PPP1R9A: variants seen among roughly 807,000 people sequenced by gnomAD.
PPP1R9A encodes the protein neurabin-1.
A neutral mutation model predicts 141.9 loss-of-function variants in PPP1R9A; 59 were observed. The ratio of observed to expected loss-of-function variants is 0.42; its 90% CI spans 0.34 to 0.52. The LOEUF is 0.52. Among genes scored for constraint, PPP1R9A ranks in the 20% least tolerant of loss-of-function variants. The pLI is 0.10. For missense variants in PPP1R9A, 1,444 were observed against 1,611.9 expected (o/e 0.90, Z 1.78); for synonymous variants, 500 against 569.7 (o/e 0.88, Z 1.74).
intron 4 of PPP1R9A, among the ~76,000 whole-genome samples, chr7:95,135,137 G>A (rs1008253672): frequency 6.6e-6 from 1 of 151,982 alleles, no homozygotes; most frequent in African/African-American, 2.4e-5. Flanking sequence ...TCACACTCCT[G>A]TGTCTCTAAT....
intron 2 of PPP1R9A, among the ~76,000 whole-genome samples, chr7:94,979,181 G>A (rs747357827): frequency 2.0e-5 from 3 of 152,192 alleles, no homozygotes; most frequent in Non-Finnish European, 4.4e-5. Flanking sequence ...GGGAGAGACA[G>A]TTGGTTTACT....
At chr7:95,056,862 T>C (rs1039017886) in intron 2 of PPP1R9A, among the ~76,000 whole-genome samples, 8 of 152,156 alleles carry the variant, frequency 5.3e-5, no homozygotes, top group Non-Finnish European at 8.8e-5. Context: ...TGAATATTTA[T>C]GTTTGGACAT....
At chr7:94,960,153 TTC>T (rs1797464580) in intron 2 of PPP1R9A, among the ~76,000 whole-genome samples, 1 of 151,092 alleles carries the variant, frequency 6.6e-6, no homozygotes. Flanking sequence ...CTATATGGAC[TTC>T]TTTCTCTCTC....
chr7:95,140,377 T>C (rs544682405), intron 4 of PPP1R9A, among the ~76,000 whole-genome samples: 7 of 152,328 alleles, frequency 4.6e-5, no homozygotes, highest in Non-Finnish European at 4.4e-5. Flanking sequence ...TAATTTTCAA[T>C]CAATTATAAT....
chr7:94,961,826 A>G (rs1383400381), intron 2 of PPP1R9A, among the ~76,000 whole-genome samples: 4 of 151,954 alleles, frequency 2.6e-5, no homozygotes, highest in African/African-American at 9.7e-5. Flanking sequence ...TGGTACAGCC[A>G]ATGTATTTGA....
chr7:95,046,008 TTAGG>T (rs1285002635), intron 2 of PPP1R9A, among the ~76,000 whole-genome samples: 1 of 152,102 alleles, frequency 6.6e-6, no homozygotes, highest in Non-Finnish European at 1.5e-5. Context: ...ATCATTAAGA[TTAGG>T]TAGTATTTCT....
chr7:95,149,361 G>T (rs1430949218), intron 4 of PPP1R9A, among the ~76,000 whole-genome samples: 1 of 152,118 alleles, frequency 6.6e-6, no homozygotes, highest in African/African-American at 2.4e-5. Context: ...CTTTCTTACA[G>T]TTATTTTCTA....
At chr7:95,169,490 T>C (rs1831786101) in intron 5 of PPP1R9A, among the ~76,000 whole-genome samples, 1 of 151,798 alleles carries the variant, frequency 6.6e-6, no homozygotes, top group Admixed American at 6.6e-5. Context: ...AGAAAGTTAA[T>C]AACAATGTAT....
intron 4 of PPP1R9A, among the ~76,000 whole-genome samples, chr7:95,123,504 C>T (rs1822997194): frequency 6.6e-6 from 1 of 152,150 alleles, no homozygotes; most frequent in African/African-American, 2.4e-5. Flanking sequence ...CAAAAATTAG[C>T]TGGGCGTGGT....
intron 16 of PPP1R9A, among the ~76,000 whole-genome samples, chr7:95,282,777 A>C (rs1364073609): frequency 6.6e-6 from 1 of 152,150 alleles, no homozygotes; most frequent in Non-Finnish European, 1.5e-5. Flanking sequence ...CATTCTCTTC[A>C]GTTATCAGCC....
At chr7:95,287,495 C>G (rs1172373399) in intron 18 of PPP1R9A, among the ~76,000 whole-genome samples, 1 of 152,068 alleles carries the variant, frequency 6.6e-6, no homozygotes, top group Non-Finnish European at 1.5e-5. Flanking sequence ...CCTTCAAGAC[C>G]TATCATCACC....
chr7:95,080,445 C>G (rs1436803046), intron 2 of PPP1R9A, among the ~76,000 whole-genome samples: 3 of 152,182 alleles, frequency 2.0e-5, no homozygotes, highest in South Asian at 2.1e-4. Context: ...AAAGAGGATA[C>G]AAAGAAATGG....
At chr7:94,934,654 G>A (rs773886696) in intron 2 of PPP1R9A, among the ~76,000 whole-genome samples, 13 of 151,662 alleles carry the variant, frequency 8.6e-5, no homozygotes, top group Non-Finnish European at 1.9e-4. Flanking sequence ...TGGTGCTTTT[G>A]TTATCGATGT....
intron 12 of PPP1R9A, among the ~76,000 whole-genome samples, chr7:95,252,970 A>G (rs1474932799): frequency 6.6e-6 from 1 of 152,216 alleles, no homozygotes; most frequent in African/African-American, 2.4e-5. Flanking sequence ...ATTTGGTATT[A>G]TAAATGATTA....
intron 2 of PPP1R9A, among the ~76,000 whole-genome samples, chr7:94,943,743 A>G (rs1795585356): frequency 6.6e-6 from 1 of 152,214 alleles, no homozygotes; most frequent in Non-Finnish European, 1.5e-5. Context: ...GTCTTTGTTC[A>G]TAATGATATT....
intron 2 of PPP1R9A, among the ~76,000 whole-genome samples, chr7:95,080,554 A>G (rs1041907021): frequency 6.6e-6 from 1 of 152,140 alleles, no homozygotes; most frequent in Non-Finnish European, 1.5e-5. Flanking sequence ...CCATCAAACT[A>G]CCAATGACTT....
chr7:95,210,627 C>G (rs746656745), intron 7 of PPP1R9A, among the ~76,000 whole-genome samples: 1 of 152,022 alleles, frequency 6.6e-6, no homozygotes, highest in Non-Finnish European at 1.5e-5. Context: ...CACCATTTGA[C>G]CCAGCAATCC....
intron 7 of PPP1R9A, among the ~76,000 whole-genome samples, chr7:95,219,127 T>C (rs1794002843): frequency 6.6e-6 from 1 of 152,338 alleles, no homozygotes; most frequent in Non-Finnish European, 1.5e-5. Flanking sequence ...TTTCCATGTT[T>C]AATGCTTCCT....
At chr7:95,100,883 C>T (rs1198866021) in intron 2 of PPP1R9A, among the ~76,000 whole-genome samples, 4 of 129,902 alleles carry the variant, frequency 3.1e-5, no homozygotes, top group African/African-American at 9.0e-5. Flanking sequence ...GACGGAGTCT[C>T]GCTCTGTCGC....
Sources: allele counts gnomAD v4.1 joint callset (sites outside exome capture counted in the v4.1 genomes callset), GRCh38; gene constraint gnomAD v4.1.1; transcripts MANE v1.5; gene names NCBI Gene and HGNC (gene_info 2026-07-23, HGNC 2026-07-21).